LIPC: variants seen among roughly 807,000 people sequenced by gnomAD.
LIPC encodes lipase C, hepatic type.
A neutral mutation model predicts 50.7 loss-of-function variants in LIPC; 44 were observed. The observed-to-expected ratio is 0.87, with a 90% CI of 0.68 to 1.11. LIPC has a LOEUF of 1.11. LIPC is among the 50% of genes most tolerant of loss of function. The pLI is 0.00. For missense variants in LIPC, 697 were observed against 648.2 expected (o/e 1.08, Z -0.82); for synonymous variants, 271 against 256.4 (o/e 1.06, Z -0.54).
chr15:58,514,125 A>G (rs777149103), intron 1 of LIPC, among the ~76,000 whole-genome samples: 1 of 152,222 alleles, frequency 6.6e-6, no homozygotes, highest in Non-Finnish European at 1.5e-5. Context: ...CATCAAGTTT[A>G]TCATCGCCAG....
intron 8 of LIPC, 32 bp downstream of exon 8, chr15:58,563,755 C>A: frequency 1.9e-6 from 3 of 1,558,876 alleles, no homozygotes; most frequent in East Asian, 2.3e-5. Flanking sequence ...TATTAACGTC[C>A]ATTAAGCACC....
chr15:58,542,518 C>T lies in LIPC; in HGVS notation c.457-16C>T, dbSNP rs6073. 5.1e-5 allele frequency: 79 copies of T among 1,547,788 alleles called. No individual in the cohort carries two copies. The highest frequency in any genetic ancestry group is 2.0e-4 in the Admixed American group (12 of 59,934). On this transcript the variant is annotated splice_polypyrimidine_tract_variant and intron_variant, in intron 3 of 8. Transcript: ENST00000299022. Reference sequence around the variant, plus strand: ...GGCAGCTCTTCTCCTGCCCCCATCCCGCTGCTGTCTTCCAGGAATCTGTGC... The same window carrying T: ...GGCAGCTCTTCTCCTGCCCCCATCCTGCTGCTGTCTTCCAGGAATCTGTGC...
At chr15:58,501,439 A>G (rs1284691439) in intron 1 of LIPC, among the ~76,000 whole-genome samples, 5 of 149,800 alleles carry the variant, frequency 3.3e-5, no homozygotes, top group Non-Finnish European at 5.9e-5. Context: ...TTGATGACAG[A>G]TCTTCTCCTA....
At chr15:58,496,092 T>A (rs1488429089) in intron 1 of LIPC, among the ~76,000 whole-genome samples, 1 of 152,078 alleles carries the variant, frequency 6.6e-6, no homozygotes, top group Non-Finnish European at 1.5e-5. Context: ...CTATCACGAG[T>A]TGGATCTAGG....
chr15:58,538,517 G>C lies in LIPC; in HGVS notation c.273G>C (p.Ser91=). ...TGGTGATGATAATCCACGGGTGGTCGGTAGGAAATGCTGACATGCCGTTTT... is the reference window on the plus strand; with the variant it reads ...TGGTGATGATAATCCACGGGTGGTCCGTAGGAAATGCTGACATGCCGTTTT... ...LPLVMIIHGW[S]VDGVLENWIW... Residue 91 remains serine, a splice_region_variant and synonymous_variant, in exon 2 of 9, where the codon TCG becomes TCC. Coordinates refer to ENST00000299022, the MANE Select transcript of LIPC (RefSeq NM_000236.3). The C allele has an allele frequency of 1.2e-6, 2 of 1,613,794 alleles. No individual in the cohort carries two copies. The highest frequency in any genetic ancestry group is 2.2e-5 in the South Asian group (2 of 91,058).
At chr15:58,448,610 C>T (rs1893786712) in intron 1 of LIPC, among the ~76,000 whole-genome samples, 1 of 152,248 alleles carries the variant, frequency 6.6e-6, no homozygotes, top group South Asian at 2.1e-4. Flanking sequence ...CAGAGGCCGG[C>T]AGGCCTAAGT....
chr15:58,506,224 G>A (rs1268801490), intron 1 of LIPC, among the ~76,000 whole-genome samples: 1 of 152,186 alleles, frequency 6.6e-6, no homozygotes, highest in East Asian at 1.9e-4. Context: ...AGGCTGTGCA[G>A]AAAGGAGACT....
chr15:58,548,398 G>C lies in LIPC; in HGVS notation c.877G>C (p.Ala293Pro). The C allele has an allele frequency of 6.2e-7, 1 of 1,614,060 alleles. No individual in the cohort carries two copies. Among genetic ancestry groups the C allele is most frequent in the Non-Finnish European group, 8.5e-7 (1 of 1,179,998 alleles). ...VHLFIDSLLHAGTQSMAYPCG... is the reference protein window; with the variant it reads ...VHLFIDSLLHPGTQSMAYPCG... ...CCTTTTCATCGACTCCTTGCTGCAC[G>C]CCGGCACGCAGAGCATGGCCTACCC... The change falls in exon 6 of 9, where the codon GCC becomes CCC. Residue 293 changes from alanine (A) to proline (P), a missense_variant. By Grantham distance (27) the Ala-to-Pro change is conservative. Coordinates refer to ENST00000299022, the MANE Select transcript of LIPC (RefSeq NM_000236.3).
At chr15:58,555,759 AGCCAGGGAAGGGACT>A (rs1893923397) in intron 6 of LIPC, among the ~76,000 whole-genome samples, 1 of 152,178 alleles carries the variant, frequency 6.6e-6, no homozygotes, top group South Asian at 2.1e-4. Context: ...GGACAGATGG[AGCCAGGGAAGGGACT>A]AGCTGTGGGA....
At chr15:58,525,516 G>A (rs1221204527) in intron 1 of LIPC, among the ~76,000 whole-genome samples, 1 of 152,140 alleles carries the variant, frequency 6.6e-6, no homozygotes, top group Non-Finnish European at 1.5e-5. Context: ...ATGCCTGCAG[G>A]CATCCAACCA....
intron 1 of LIPC, among the ~76,000 whole-genome samples, chr15:58,530,367 G>A (rs1219806539): frequency 2.0e-5 from 3 of 152,208 alleles, no homozygotes; most frequent in Non-Finnish European, 2.9e-5. Context: ...AGTTATGTCT[G>A]CCAATTGACC....
rs543589418 is a variant in LIPC, at chr15:58,463,277, C to A, written c.88+31157C>A. ...GGTCCTGATGGCCACTTGCGTAGAG[C>A]AAAGAATGTTGGTAGGGCCTGCAGT... On this transcript the variant is annotated intron_variant, in intron 1 of 8. Transcript: ENST00000299022. 4.5e-3 allele frequency among the ~76,000 whole-genome samples: 692 copies of A among 152,346 alleles called. 4 individuals carry two copies. Among genetic ancestry groups the A allele is most frequent in the African/African-American group, 0.016 (663 of 41,574 alleles).
chr15:58,457,172 C>T (rs1458080279), intron 1 of LIPC, among the ~76,000 whole-genome samples: 10 of 152,280 alleles, frequency 6.6e-5, no homozygotes, highest in Non-Finnish European at 1.2e-4. Flanking sequence ...TGCAAAGGTG[C>T]GATCTTGGCT....
In LIPC at chr15:58,542,658, A is replaced by T; in HGVS notation, c.574+7A>T. 1 of 1,583,962 alleles carries T rather than the reference A, an allele frequency of 6.3e-7. No individual in the cohort carries two copies. The highest frequency in any genetic ancestry group is 8.7e-7 in the Non-Finnish European group (1 of 1,152,934). Reference sequence around the variant, plus strand: ...AAGATTGGGAGAATCACAGGTAACCATGCCTAATAACTCACACACTGATCT... The same window carrying T: ...AAGATTGGGAGAATCACAGGTAACCTTGCCTAATAACTCACACACTGATCT... On this transcript the variant is annotated splice_region_variant and intron_variant, in intron 4 of 8. Coordinates refer to ENST00000299022, the MANE Select transcript of LIPC (RefSeq NM_000236.3).
intron 1 of LIPC, among the ~76,000 whole-genome samples, chr15:58,531,174 G>C (rs1192261995): frequency 6.6e-6 from 1 of 152,190 alleles, no homozygotes; most frequent in African/African-American, 2.4e-5. Context: ...TCTAAAGGGA[G>C]AGAAGTGATA....
At chr15:58,548,605 C>T (rs375799764) in intron 6 of LIPC, 33 bp downstream of exon 6, 1 of 1,575,576 alleles carries the variant, frequency 6.3e-7, no homozygotes. Context: ...TTCAGAAGGG[C>T]AGGATGCAGT....
intron 1 of LIPC, among the ~76,000 whole-genome samples, chr15:58,506,290 G>A (rs544388144): frequency 6.6e-6 from 1 of 152,204 alleles, no homozygotes; most frequent in South Asian, 2.1e-4. Context: ...GATCTCTGAA[G>A]CCACAGCTAT....
chr15:58,473,949 G>A (rs1890895962), intron 1 of LIPC: 1 of 152,224 alleles, frequency 6.6e-6, no homozygotes, highest in Non-Finnish European at 1.5e-5. Flanking sequence ...AAGCAAACCA[G>A]GTAAGGAAAC....
chr15:58,432,377 A>G, intron 1 of LIPC: 1 of 521,874 alleles, frequency 1.9e-6, no homozygotes, highest in East Asian at 3.4e-5. Flanking sequence ...TGCGTATCTG[A>G]TATGGAAACA....
Sources: gnomAD v4.1 joint callset for allele counts (sites outside exome capture counted in the v4.1 genomes callset) on GRCh38, gnomAD v4.1.1 for gene constraint, MANE v1.5 for transcripts, NCBI Gene and HGNC (gene_info 2026-07-23, HGNC 2026-07-21) for gene names.